HHAT: variants seen among roughly 807,000 people sequenced by gnomAD.
The protein encoded by HHAT is protein-cysteine N-palmitoyltransferase HHAT.
HHAT carries 47 observed loss-of-function variants against 70.8 expected under a neutral mutation model. The ratio of observed to expected loss-of-function variants is 0.66; its 90% confidence interval spans 0.53 to 0.85. HHAT has a LOEUF of 0.85. HHAT is among the 40% of genes least tolerant of loss of function. HHAT has a pLI of 0.00. For synonymous variants in HHAT, 228 were observed against 247.6 expected (o/e 0.92, Z 0.74); for missense variants, 609 against 604.8 (o/e 1.01, Z -0.07).
In HHAT at chr1:210,387,521, G is replaced by A; in HGVS notation, c.213G>A (p.Leu71=). 2.5e-6 allele frequency: 4 copies of A among 1,614,126 alleles called. 1 individual carries two copies. Among genetic ancestry groups the A allele is most frequent in the Non-Finnish European group, 3.4e-6 (4 of 1,179,988 alleles). Residue 71 remains leucine, a synonymous_variant, in exon 4 of 12, where the codon CTG becomes CTA. Coordinates refer to ENST00000261458, the MANE Select transcript of HHAT (RefSeq NM_018194.6). ...SFWMEWGKQW[L]VWLLLGHMVV... is the part of the protein sequence containing the mutation. ...GGATGGAATGGGGGAAGCAGTGGCT[G>A]GTGTGGCTTCTCCTTGGCCACATGG... is the stretch of plus-strand genomic sequence containing the variant.
At chr1:210,649,877 T>C (rs1674784282) in intron 11 of HHAT, among the ~76,000 whole-genome samples, 1 of 152,088 alleles carries the variant, frequency 6.6e-6, no homozygotes, top group Non-Finnish European at 1.5e-5. Flanking sequence ...GCAAGGAGAG[T>C]ATCTTCAGGG....
intron 9 of HHAT, among the ~76,000 whole-genome samples, chr1:210,532,539 T>C (rs906699991): frequency 2.0e-5 from 3 of 152,218 alleles, no homozygotes; most frequent in African/African-American, 7.2e-5. Context: ...CCTAAACTTA[T>C]ATAACTGTAG....
At chr1:210,328,852 A>G (rs2084725970), upstream of HHAT, 4 of 437,560 alleles carry the variant, frequency 9.1e-6, no homozygotes, top group African/African-American at 2.0e-5. Flanking sequence ...CCTGCTCGCC[A>G]TCGCCCGGAG....
At chr1:210,385,503 G>C (rs2090979041) in intron 3 of HHAT, among the ~76,000 whole-genome samples, 1 of 152,132 alleles carries the variant, frequency 6.6e-6, no homozygotes, top group Non-Finnish European at 1.5e-5. Context: ...CTGCCTGGCT[G>C]TGTGTTTGTG....
chr1:210,383,801 G>A (rs1408080983), intron 3 of HHAT, among the ~76,000 whole-genome samples: 1 of 152,172 alleles, frequency 6.6e-6, no homozygotes, highest in African/African-American at 2.4e-5. Context: ...AACAAATTGA[G>A]CTACTTTAAA....
At chr1:210,616,631 G>A (rs1667802488) in intron 10 of HHAT, among the ~76,000 whole-genome samples, 1 of 152,210 alleles carries the variant, frequency 6.6e-6, no homozygotes, top group Non-Finnish European at 1.5e-5. Context: ...CACTCAAGAG[G>A]CAAAGATCTT....
chr1:210,542,096 C>G (rs2095436286), intron 9 of HHAT, among the ~76,000 whole-genome samples: 1 of 152,166 alleles, frequency 6.6e-6, no homozygotes, highest in Admixed American at 6.5e-5. Flanking sequence ...CATCTCCAAC[C>G]CTGCTTTTTG....
intron 2 of HHAT, among the ~76,000 whole-genome samples, chr1:210,361,476 C>T (rs753421984): frequency 6.6e-6 from 1 of 151,884 alleles, no homozygotes; most frequent in Non-Finnish European, 1.5e-5. Context: ...TACCCTGGGC[C>T]GGTTTGCAAG....
At chr1:210,540,480 TGCACACACAC>T (rs375105665) in intron 9 of HHAT, among the ~76,000 whole-genome samples, 27,698 of 146,830 alleles carry the variant, frequency 0.19, 3,227 homozygotes, top group Middle Eastern at 0.29. Context: ...CGCACACACA[TGCACACACAC>T]GCACACACAC....
At position 210,609,711 on chromosome 1, in the gene HHAT, G is replaced by A. The variant is rs143096798; in HGVS notation, c.1246-13815G>A. Among the ~76,000 whole-genome samples the A allele has an allele frequency of 8.1e-3, 1,226 of 152,154 alleles. 16 individuals carry two copies. The highest frequency in any genetic ancestry group is 0.027 in the African/African-American group (1,122 of 41,508). Reference sequence around the variant, plus strand: ...CAATGTGTGTTGTTCCCCACCATGGGTCCATGTGTTCTCATCATTCAGCTC... The same window carrying A: ...CAATGTGTGTTGTTCCCCACCATGGATCCATGTGTTCTCATCATTCAGCTC... On this transcript the variant is annotated intron_variant, in intron 10 of 11. Coordinates refer to ENST00000261458, the MANE Select transcript of HHAT (RefSeq NM_018194.6).
chr1:210,472,805 T>C (rs2094228370), intron 8 of HHAT, among the ~76,000 whole-genome samples: 1 of 152,174 alleles, frequency 6.6e-6, no homozygotes, highest in Admixed American at 6.5e-5. Context: ...TGGTTTGGTC[T>C]GGAAAGGCAG....
chr1:210,352,105 ACTT>A lies in HHAT; in HGVS notation c.91+3043_91+3045del, dbSNP rs569752469. The stretch of plus-strand genomic sequence containing the variant: ...CTTAAACCTAAGACTTTACAACTCT[ACTT>A]CTTGTGTTGTGATAGCTTCTGGGAA... On this transcript the variant is annotated intron_variant, in intron 2 of 11. Coordinates refer to ENST00000261458, the MANE Select transcript of HHAT (RefSeq NM_018194.6). Among the ~76,000 whole-genome samples, 43 of 152,306 alleles carry A rather than the reference ACTT, an allele frequency of 2.8e-4. 1 individual carries two copies. In the East Asian group the frequency reaches 7.9e-3, roughly 28 times the overall value.
intron 9 of HHAT, among the ~76,000 whole-genome samples, chr1:210,586,554 A>C (rs1158984976): frequency 6.6e-6 from 1 of 152,230 alleles, no homozygotes; most frequent in Admixed American, 6.5e-5. Context: ...TTAATATATA[A>C]ACAGGACAAA....
At chr1:210,580,845 AT>A (rs1377519110) in intron 9 of HHAT, among the ~76,000 whole-genome samples, 1 of 152,166 alleles carries the variant, frequency 6.6e-6, no homozygotes, top group Non-Finnish European at 1.5e-5. Context: ...ATACCCAGTA[AT>A]GAGATTGCTG....
rs981209740 is a variant in HHAT, at chr1:210,459,081, C to T, written c.857-5424C>T. The stretch of plus-strand genomic sequence containing the variant: ...TTGATGAGCTGAGTTTAAGATGGCC[C>T]GTTTGGAAGTGGCCCGTTGTTAGGC... On this transcript the variant is annotated intron_variant, in intron 7 of 11. Transcript: ENST00000261458. Among the ~76,000 whole-genome samples the T allele has an allele frequency of 4.6e-5, 7 of 152,254 alleles. 1 individual carries two copies. Among genetic ancestry groups the T allele is most frequent in the East Asian group, 3.9e-4 (2 of 5,184 alleles).
chr1:210,429,641 T>C (rs993106173), intron 7 of HHAT, among the ~76,000 whole-genome samples: 1 of 151,838 alleles, frequency 6.6e-6, no homozygotes, highest in African/African-American at 2.4e-5. Context: ...GTATGCTTCA[T>C]ATTGTATCTG....
intron 3 of HHAT, among the ~76,000 whole-genome samples, chr1:210,369,942 C>A (rs1233774094): frequency 6.6e-6 from 1 of 152,030 alleles, no homozygotes; most frequent in African/African-American, 2.4e-5. Flanking sequence ...GGACTTTATC[C>A]AGAAGGCAGT....
chr1:210,584,273 A>T (rs546738839), intron 9 of HHAT, among the ~76,000 whole-genome samples: 212 of 148,308 alleles, frequency 1.4e-3, no homozygotes, highest in African/African-American at 4.5e-3. Flanking sequence ...AGATAAGATT[A>T]AAAAAAAAAT....
intron 7 of HHAT, among the ~76,000 whole-genome samples, chr1:210,453,317 G>A (rs2093792921): frequency 6.6e-6 from 1 of 152,060 alleles, no homozygotes; most frequent in South Asian, 2.1e-4. Flanking sequence ...TAAAATTAAT[G>A]CAGTGTAAAC....
Sources: allele counts gnomAD v4.1 joint callset (sites outside exome capture counted in the v4.1 genomes callset), GRCh38; gene constraint gnomAD v4.1.1; transcripts MANE v1.5; gene names NCBI Gene and HGNC (gene_info 2026-07-23, HGNC 2026-07-21).